Variants in RAD18 observed in about 807,000 individuals in gnomAD.
RAD18 encodes the protein RAD18 E3 ubiquitin protein ligase.
In RAD18, 47 loss-of-function variants were observed where a neutral mutation model predicts 60.4. That is an observed-to-expected ratio of 0.78 (90% CI 0.62 to 0.99). The LOEUF (loss-of-function observed/expected upper bound fraction) is 0.99. Among genes scored for constraint, RAD18 ranks in the 50% least tolerant of loss-of-function variants. The probability of loss-of-function intolerance (pLI) is 0.00; values close to 1 mark genes in which losing one functional copy is unlikely to be tolerated. For synonymous variants in RAD18, 225 were observed against 195.5 expected (o/e 1.15, Z -1.26); for missense variants, 640 against 593.3 (o/e 1.08, Z -0.82).
chr3:8,894,371 G>C (rs1359266426), intron 11 of RAD18, among the ~76,000 whole-genome samples: 3 of 152,212 alleles, frequency 2.0e-5, no homozygotes, highest in African/African-American at 7.2e-5. Flanking sequence ...ATGAAACCAA[G>C]CAACAATAAG....
intron 7 of RAD18, among the ~76,000 whole-genome samples, chr3:8,919,617 TATATATGCAC>T (rs915860331): frequency 1.3e-5 from 2 of 152,266 alleles, no homozygotes; most frequent in African/African-American, 4.8e-5. Flanking sequence ...TGCGTATGTA[TATATATGCAC>T]ATATATGCAT....
At chr3:8,893,182 C>T (rs909313834) in intron 11 of RAD18, among the ~76,000 whole-genome samples, 1 of 152,030 alleles carries the variant, frequency 6.6e-6, no homozygotes, top group Non-Finnish European at 1.5e-5. Flanking sequence ...TCTATGACAC[C>T]AGGGTGTAAA....
At chr3:8,945,915 C>T (rs1264968316) in intron 4 of RAD18, among the ~76,000 whole-genome samples, 1 of 152,048 alleles carries the variant, frequency 6.6e-6, no homozygotes, top group African/African-American at 2.4e-5. Context: ...AGTGTTATTA[C>T]AAAAGAGTCA....
chr3:8,911,623 C>T (rs1249335320), intron 9 of RAD18, among the ~76,000 whole-genome samples: 1 of 151,912 alleles, frequency 6.6e-6, no homozygotes, highest in East Asian at 1.9e-4. Flanking sequence ...CTCCCTCCCA[C>T]AATACATCAC....
intron 2 of RAD18, among the ~76,000 whole-genome samples, chr3:8,953,264 T>C (rs918880569): frequency 1.3e-5 from 2 of 151,180 alleles, no homozygotes; most frequent in Non-Finnish European, 2.9e-5. Flanking sequence ...ATTATATATA[T>C]TATGTATACA....
At chr3:8,961,440 G>T (rs13088787) in intron 1 of RAD18, among the ~76,000 whole-genome samples, 34,718 of 152,070 alleles carry the variant, frequency 0.23, 6,166 homozygotes, top group African/African-American at 0.5. Context: ...TGGACTCTCT[G>T]CTCAGAAAAA....
intron 12 of RAD18, among the ~76,000 whole-genome samples, chr3:8,889,518 C>T (rs562734473): frequency 2.0e-5 from 3 of 152,184 alleles, no homozygotes; most frequent in Non-Finnish European, 4.4e-5. Flanking sequence ...GTGCTGTAAG[C>T]GCCTACTGTA....
At chr3:8,909,830 T>C (rs537705986) in intron 9 of RAD18, among the ~76,000 whole-genome samples, 118 of 152,208 alleles carry the variant, frequency 7.8e-4, no homozygotes, top group African/African-American at 2.8e-3. Flanking sequence ...ACACTAACAA[T>C]AGCTGATGAG....
At chr3:8,920,106 T>C (rs971499123) in intron 7 of RAD18, among the ~76,000 whole-genome samples, 2 of 151,808 alleles carry the variant, frequency 1.3e-5, no homozygotes, top group African/African-American at 4.8e-5. Flanking sequence ...CACGGTGAAA[T>C]GCCATCTTTA....
intron 6 of RAD18, among the ~76,000 whole-genome samples, chr3:8,938,610 T>A (rs970469937): frequency 2.0e-5 from 3 of 152,166 alleles, no homozygotes; most frequent in Non-Finnish European, 1.5e-5. Flanking sequence ...AAGGGTCCTT[T>A]CTGCATGTCA....
chr3:8,927,714 G>A (rs1197461440), intron 7 of RAD18, among the ~76,000 whole-genome samples: 1 of 152,168 alleles, frequency 6.6e-6, no homozygotes, highest in East Asian at 1.9e-4. Flanking sequence ...TATATACCAT[G>A]GAATACTATG....
At chr3:8,903,781 A>C (rs1053902455) in intron 9 of RAD18, among the ~76,000 whole-genome samples, 1 of 152,208 alleles carries the variant, frequency 6.6e-6, no homozygotes, top group Non-Finnish European at 1.5e-5. Flanking sequence ...TTTAGGGAGA[A>C]CCATACTACA....
At chr3:8,925,392 C>A (rs1940415302) in intron 7 of RAD18, among the ~76,000 whole-genome samples, 1 of 152,170 alleles carries the variant, frequency 6.6e-6, no homozygotes, top group Non-Finnish European at 1.5e-5. Flanking sequence ...AAACCAATAA[C>A]AGGCTCTGAA....
At chr3:8,924,540 C>T (rs1940390354) in intron 7 of RAD18, among the ~76,000 whole-genome samples, 1 of 141,132 alleles carries the variant, frequency 7.1e-6, no homozygotes, top group Non-Finnish European at 1.5e-5. Flanking sequence ...AGGAATTGAA[C>T]TCAGCTCTGC....
chr3:8,932,494 TAAG>T (rs1346677916), intron 7 of RAD18, among the ~76,000 whole-genome samples: 1 of 152,028 alleles, frequency 6.6e-6, no homozygotes, highest in Non-Finnish European at 1.5e-5. Context: ...TGGCTAAAAT[TAAG>T]AAGAATGAAA....
chr3:8,888,069 T>C (rs998321241), intron 12 of RAD18, among the ~76,000 whole-genome samples: 2 of 152,228 alleles, frequency 1.3e-5, no homozygotes, highest in Non-Finnish European at 1.5e-5. Flanking sequence ...AGTCCTGCAC[T>C]GTTCACCCCA....
chr3:8,930,783 T>C (rs1940539869), intron 7 of RAD18, among the ~76,000 whole-genome samples: 1 of 152,194 alleles, frequency 6.6e-6, no homozygotes, highest in Non-Finnish European at 1.5e-5. Context: ...GTTTTACCTA[T>C]AAGTTGGGGT....
rs1033532844 is a variant in RAD18 at position 8,944,840 on chromosome 3, G to T, written c.266+2380C>A. On this transcript the variant is annotated intron_variant, in intron 4 of 12. Transcript: ENST00000264926. The stretch of plus-strand genomic sequence containing the variant: ...CATGGACTTCTGTAACTAAAGTCCT[G>T]CAATGCTTGTTCTGATCAGAAACAT... 1.4e-4 allele frequency among the ~76,000 whole-genome samples: 22 copies of T among 152,160 alleles called. 1 individual carries two copies. Among genetic ancestry groups the T allele is most frequent in the Non-Finnish European group, 2.9e-5 (2 of 68,038 alleles).
chr3:8,907,587 G>T (rs755504370), intron 9 of RAD18, among the ~76,000 whole-genome samples: 2 of 152,070 alleles, frequency 1.3e-5, no homozygotes, highest in African/African-American at 4.8e-5. Flanking sequence ...CAACACAAGC[G>T]GCTGATGCAA....
Sources: allele counts gnomAD v4.1 joint callset (sites outside exome capture counted in the v4.1 genomes callset), GRCh38; gene constraint gnomAD v4.1.1; transcripts MANE v1.5; gene names NCBI Gene and HGNC (gene_info 2026-07-23, HGNC 2026-07-21).